The following FBXW7 variants were observed in gnomAD, a reference collection of about 807,000 sequenced individuals.
FBXW7 encodes F-box and WD repeat domain containing 7, also known as F-box/WD repeat-containing protein 7.
Under a neutral mutation model 86.3 loss-of-function variants are expected in FBXW7, and 11 were observed. That is an observed-to-expected ratio of 0.13 (90% CI 0.08 to 0.21). The LOEUF is 0.21. FBXW7 is among the 10% of genes least tolerant of loss of function. FBXW7 has a pLI of 1.00. For missense variants in FBXW7, 488 were observed against 847.4 expected, an observed-to-expected ratio of 0.58 and a Z score of 5.27; for synonymous variants, 313 against 297.9, an observed-to-expected ratio of 1.05 and a Z score of -0.52.
intron 2 of FBXW7, among the ~76,000 whole-genome samples, chr4:152,510,635 T>C (rs1387250502): frequency 6.6e-6 from 1 of 152,036 alleles, no homozygotes; most frequent in African/African-American, 2.4e-5. Flanking sequence ...ACTAAAAACA[T>C]ATTGGGAAAG....
At chr4:152,430,400 T>C (rs897901343) in intron 2 of FBXW7, among the ~76,000 whole-genome samples, 7 of 152,188 alleles carry the variant, frequency 4.6e-5, no homozygotes, top group African/African-American at 1.4e-4. Context: ...TTTAAATTTC[T>C]TGTGTGAAAA....
intron 2 of FBXW7, among the ~76,000 whole-genome samples, chr4:152,428,556 G>A (rs954339234): frequency 2.0e-5 from 3 of 152,282 alleles, no homozygotes; most frequent in East Asian, 1.9e-4. Context: ...TTGTGCCTGC[G>A]AGGCAGCGTA....
chr4:152,471,423 GGGAA>G (rs1743951109), intron 2 of FBXW7, among the ~76,000 whole-genome samples: 2 of 139,152 alleles, frequency 1.4e-5, no homozygotes, highest in Non-Finnish European at 3.1e-5. Context: ...GAAGGAAAAA[GGGAA>G]GGAAGGAGGG....
intron 5 of FBXW7, 78 bp downstream of exon 5, chr4:152,349,964 C>A (rs992245467): frequency 6.5e-5 from 50 of 770,116 alleles, no homozygotes; most frequent in Non-Finnish European, 9.0e-5. Context: ...TATTATTCTA[C>A]AAGAATAAAC....
At chr4:152,380,366 T>C (rs1461702549) in intron 4 of FBXW7, among the ~76,000 whole-genome samples, 2 of 152,018 alleles carry the variant, frequency 1.3e-5, no homozygotes, top group African/African-American at 4.8e-5. Context: ...TCACAATCCC[T>C]CTAATATTTC....
intron 4 of FBXW7, among the ~76,000 whole-genome samples, chr4:152,363,431 A>G (rs1733171214): frequency 6.6e-6 from 1 of 152,220 alleles, no homozygotes. Flanking sequence ...AAAAAATGAC[A>G]AATCCATTTG....
At chr4:152,506,829 G>C (rs1264758551) in intron 2 of FBXW7, among the ~76,000 whole-genome samples, 1 of 152,222 alleles carries the variant, frequency 6.6e-6, no homozygotes, top group East Asian at 1.9e-4. Context: ...TCCAATGTGA[G>C]GCTGATACTA....
intron 2 of FBXW7, among the ~76,000 whole-genome samples, chr4:152,517,980 A>G (rs1438155271): frequency 4.0e-5 from 6 of 151,894 alleles, no homozygotes; most frequent in African/African-American, 1.2e-4. Context: ...TTCAGCACTC[A>G]ATACTTATTT....
intron 5 of FBXW7, chr4:152,348,679 T>C: frequency 1.8e-6 from 2 of 1,131,108 alleles, no homozygotes; most frequent in Non-Finnish European, 2.3e-6. Context: ...AATACCTTTG[T>C]CCTGGTATCA....
chr4:152,423,445 A>T (rs902288589), intron 2 of FBXW7, among the ~76,000 whole-genome samples: 1 of 152,194 alleles, frequency 6.6e-6, no homozygotes, highest in African/African-American at 2.4e-5. Flanking sequence ...TAATTTTCTA[A>T]ATTTTAGATT....
intron 2 of FBXW7, among the ~76,000 whole-genome samples, chr4:152,488,210 A>T (rs1426822438): frequency 1.3e-5 from 2 of 152,068 alleles, no homozygotes; most frequent in South Asian, 2.1e-4. Context: ...ATAGGTCTAT[A>T]AAAAACCTAC....
rs184895444 is a variant in FBXW7 at position 152,332,590 on chromosome 4, C to T, written c.985+6G>A. The T allele has an allele frequency of 1.7e-5, 26 of 1,572,608 alleles. No individual in the cohort carries two copies. The African/African-American group carries it at 3.0e-4, about 18-fold the overall frequency. ...AACATATTCTCTATGCAATTTTGAA[C>T]CTTACCCTCTTCTTTGCATTTCTCT... On this transcript the variant is annotated splice_donor_region_variant and intron_variant, in intron 8 of 13. Transcript: ENST00000281708.
At chr4:152,337,669 C>CT (rs894940858) in intron 7 of FBXW7, 133 bp downstream of exon 7, 2 of 893,130 alleles carry the variant, frequency 2.2e-6, no homozygotes, top group African/African-American at 3.4e-5. Flanking sequence ...TTACAGCCCT[C>CT]TTTACCACTA....
At chr4:152,477,496 G>A (rs929159183) in intron 2 of FBXW7, among the ~76,000 whole-genome samples, 2 of 151,886 alleles carry the variant, frequency 1.3e-5, no homozygotes, top group African/African-American at 4.8e-5. Context: ...AAGAGAATCC[G>A]GTAGAAGTAT....
At chr4:152,421,564 G>A (rs961491750) in intron 2 of FBXW7, among the ~76,000 whole-genome samples, 2 of 152,282 alleles carry the variant, frequency 1.3e-5, no homozygotes. Flanking sequence ...GTGAAAAAAA[G>A]AAAGGAACTT....
intron 11 of FBXW7, among the ~76,000 whole-genome samples, chr4:152,327,033 T>C (rs930216494): frequency 6.6e-6 from 1 of 152,142 alleles, no homozygotes; most frequent in African/African-American, 2.4e-5. Flanking sequence ...ATACAAATAC[T>C]GTAATCACTT....
chr4:152,426,240 A>C (rs1317830782), intron 2 of FBXW7, among the ~76,000 whole-genome samples: 1 of 152,198 alleles, frequency 6.6e-6, no homozygotes, highest in Non-Finnish European at 1.5e-5. Flanking sequence ...AGACAGGTTA[A>C]GAGGTGTGGA....
intron 2 of FBXW7, among the ~76,000 whole-genome samples, chr4:152,459,824 T>C (rs1427170765): frequency 2.6e-5 from 4 of 152,202 alleles, no homozygotes; most frequent in African/African-American, 9.6e-5. Context: ...TCTCAAAACA[T>C]CTTATTGTGC....
At chr4:152,338,066 T>C (rs1017527719) in intron 6 of FBXW7, 130 bp from the exon 7 acceptor site, 4 of 704,776 alleles carry the variant, frequency 5.7e-6, no homozygotes, top group Non-Finnish European at 8.1e-6. Flanking sequence ...TGGCTCCTTA[T>C]AGTGACATTT....
Sources: allele counts gnomAD v4.1 joint callset (sites outside exome capture counted in the v4.1 genomes callset), GRCh38; gene constraint gnomAD v4.1.1; transcripts MANE v1.5; gene names NCBI Gene and HGNC (gene_info 2026-07-23, HGNC 2026-07-21).